Variants in REV3L observed in about 807,000 individuals in gnomAD.
The protein encoded by REV3L is DNA polymerase zeta catalytic subunit.
In REV3L, 69 loss-of-function variants were observed where a neutral mutation model predicts 299.4. That is an observed-to-expected ratio of 0.23 (90% CI 0.19 to 0.28). The LOEUF (loss-of-function observed/expected upper bound fraction) is 0.28. REV3L is among the 10% of genes least tolerant of loss of function. The pLI, the probability that REV3L is intolerant of heterozygous loss-of-function variation, is 1.00. For synonymous variants in REV3L, 1,238 were observed against 1,271.4 expected (o/e 0.97, Z 0.56); for missense variants, 3,128 against 3,693.8 (o/e 0.85, Z 3.97).
chr6:111,392,087 TAA>T lies in REV3L; in HGVS notation c.662+787_662+788del, dbSNP rs564933319. On this transcript the variant is annotated intron_variant, in intron 5 of 31. Transcript: ENST00000368802. ...GTTTATGATCCACAGTTTTCTCATA[TAA>T]AAAAGTTTTATAATTTGAAATAATT... 1.4e-3 allele frequency among the ~76,000 whole-genome samples: 219 copies of T among 152,372 alleles called. 1 individual carries two copies. Among genetic ancestry groups the T allele is most frequent in the African/African-American group, 4.9e-3 (205 of 41,584 alleles).
At chr6:111,463,528 C>T (rs1208727873) in intron 1 of REV3L, among the ~76,000 whole-genome samples, 1 of 152,128 alleles carries the variant, frequency 6.6e-6, no homozygotes, top group East Asian at 1.9e-4. Context: ...ATCCTAATTA[C>T]TGAGATGCAC....
chr6:111,445,565 C>T (rs1430246918), intron 1 of REV3L, among the ~76,000 whole-genome samples: 1 of 152,058 alleles, frequency 6.6e-6, no homozygotes, highest in Non-Finnish European at 1.5e-5. Context: ...TTACTGAACA[C>T]CTAAGTGTGT....
rs762336544 is a variant in REV3L, at chr6:111,376,093, T to G, written c.2262A>C (p.Arg754Ser). 1.2e-6 allele frequency: 2 copies of G among 1,613,766 alleles called. No homozygotes were observed. The highest frequency in any genetic ancestry group is 1.7e-6 in the Non-Finnish European group (2 of 1,179,948). The change falls in exon 13 of 32, where the codon AGA becomes AGC. Residue 754 changes from arginine to serine, a missense_variant. This residue lies in a region of REV3L where 2,409 missense variants were observed against 2,611.8 expected (regional missense o/e 0.92). Coordinates refer to ENST00000368802, the MANE Select transcript of REV3L (RefSeq NM_001372078.1). ...TGCTATTAAGAGAATGCACCATAGT[T>G]CTATTCTCCCCTGAGCATGACAGTA... ...CELLSCSGENRTMVHSLNSTA... is the reference protein window; with the variant it reads ...CELLSCSGENSTMVHSLNSTA...
intron 1 of REV3L, among the ~76,000 whole-genome samples, chr6:111,466,679 A>T (rs1359743561): frequency 6.6e-6 from 1 of 152,154 alleles, no homozygotes; most frequent in East Asian, 1.9e-4. Flanking sequence ...TCTATGAAAC[A>T]TACAAAAATT....
At chr6:111,380,788 C>A (rs1026255380) in intron 10 of REV3L, among the ~76,000 whole-genome samples, 6 of 152,186 alleles carry the variant, frequency 3.9e-5, no homozygotes, top group Admixed American at 1.3e-4. Flanking sequence ...AGGGTCTTGG[C>A]CGTGGGTACA....
chr6:111,415,531 T>C (rs1270792305), intron 2 of REV3L, among the ~76,000 whole-genome samples: 4 of 152,084 alleles, frequency 2.6e-5, no homozygotes, highest in South Asian at 4.1e-4. Context: ...TAAAACTAGG[T>C]AAAGCTAATG....
In REV3L at chr6:111,392,900, C is replaced by G; in HGVS notation, c.638G>C (p.Arg213Pro). The change falls in exon 5 of 32, where the codon CGG (arginine) becomes CCG (proline). Residue 213 changes from arginine to proline, a missense_variant. By Grantham distance (103) the Arg-to-Pro change is moderately radical. Coordinates refer to ENST00000368802, the MANE Select transcript of REV3L (RefSeq NM_001372078.1). Reference protein sequence around the residue: ...SGNSLADTLFRWEQDEIPSSL... With the variant: ...SGNSLADTLFPWEQDEIPSSL... ...CCTTGGTATTTCATCTTGTTCCCAC[C>G]GAAATAAAGTATCAGCAAGAGAATT... 2 of 1,611,080 alleles carry G rather than the reference C, an allele frequency of 1.2e-6. No homozygotes were observed. The highest frequency in any genetic ancestry group is 1.7e-6 in the Non-Finnish European group (2 of 1,177,636).
chr6:111,481,459 T>C (rs558657035), intron 1 of REV3L, among the ~76,000 whole-genome samples: 1 of 152,346 alleles, frequency 6.6e-6, no homozygotes, highest in Non-Finnish European at 1.5e-5. Context: ...TCATATTCAC[T>C]AGTTTAAATA....
intron 22 of REV3L, 68 bp downstream of exon 22, chr6:111,335,401 C>T (rs999921386): frequency 1.1e-5 from 17 of 1,490,232 alleles, no homozygotes; most frequent in Non-Finnish European, 1.4e-5. Context: ...AGTCAAATCA[C>T]TTCAAACATC....
At chr6:111,414,597 G>A (rs1784568980) in intron 2 of REV3L, among the ~76,000 whole-genome samples, 1 of 152,130 alleles carries the variant, frequency 6.6e-6, no homozygotes, top group Admixed American at 6.6e-5. Flanking sequence ...ATGGTCCAGA[G>A]GAAAGCCTAG....
intron 22 of REV3L, among the ~76,000 whole-genome samples, chr6:111,333,599 C>T (rs1350079891): frequency 6.6e-6 from 1 of 151,922 alleles, no homozygotes; most frequent in Non-Finnish European, 1.5e-5. Flanking sequence ...CTCAGCCTCC[C>T]GAGTAGCTGG....
chr6:111,359,516 T>A (rs1778425396), intron 16 of REV3L, among the ~76,000 whole-genome samples: 1 of 110,264 alleles, frequency 9.1e-6, no homozygotes, highest in Admixed American at 1.2e-4. Flanking sequence ...TTATAGTTTT[T>A]CCTGAAAAAA....
chr6:111,408,159 C>G (rs116356022), intron 3 of REV3L, among the ~76,000 whole-genome samples: 4,580 of 152,198 alleles, frequency 0.03, 80 homozygotes, highest in South Asian at 0.079. Flanking sequence ...AATCTTGAGC[C>G]TCAGAGGTGA....
chr6:111,352,029 T>C (rs1777621965), intron 18 of REV3L, among the ~76,000 whole-genome samples: 1 of 151,482 alleles, frequency 6.6e-6, no homozygotes, highest in Non-Finnish European at 1.5e-5. Context: ...TTTTTTGAGA[T>C]GGGGTCTCAC....
chr6:111,353,882 A>AT (rs1444238822), intron 18 of REV3L: 6 of 152,230 alleles, frequency 3.9e-5, no homozygotes, highest in Admixed American at 3.9e-4. Flanking sequence ...CTTGTCCAGT[A>AT]TATCTCCCTT....
intron 26 of REV3L, among the ~76,000 whole-genome samples, chr6:111,317,238 T>G (rs1773635398): frequency 6.6e-6 from 1 of 152,110 alleles, no homozygotes; most frequent in South Asian, 2.1e-4. Context: ...CTGCTAATAA[T>G]GGAGACAGTA....
At chr6:111,358,038 T>C (rs1339764258) in intron 17 of REV3L, among the ~76,000 whole-genome samples, 2 of 152,184 alleles carry the variant, frequency 1.3e-5, no homozygotes, top group African/African-American at 4.8e-5. Flanking sequence ...CTTAATATGG[T>C]TGTATTCTGT....
rs548387296 is a variant in REV3L at position 111,348,950 on chromosome 6, G to A, written c.7419+268C>T. The A allele has an allele frequency of 2.0e-4, 42 of 214,898 alleles. No individual in the cohort carries two copies. In the East Asian group the frequency reaches 3.1e-3, roughly 16 times the overall value. The allele number at this position is 214,898 out of a possible 1,614,324, so 13.3% of individuals were successfully genotyped here. A position where few individuals can be genotyped will look rare whatever the true frequency, so the allele number is the denominator to read the frequency against. On this transcript the variant is annotated intron_variant, in intron 20 of 31. Coordinates refer to ENST00000368802, the MANE Select transcript of REV3L (RefSeq NM_001372078.1). The stretch of plus-strand genomic sequence containing the variant: ...GATTACAAGTGTGAGCACTGCACCT[G>A]GCCCCAATATTTTATTATAGCTATA...
intron 26 of REV3L, among the ~76,000 whole-genome samples, chr6:111,318,277 C>T (rs941659022): frequency 2.6e-5 from 4 of 151,296 alleles, no homozygotes; most frequent in Admixed American, 6.6e-5. Context: ...TTAGTAGAGA[C>T]GGGGTTTCAC....
Sources: gnomAD v4.1 joint callset for allele counts (sites outside exome capture counted in the v4.1 genomes callset) on GRCh38, gnomAD v4.1.1 for gene constraint, gnomAD v4.1.1 regional missense constraint, MANE v1.5 for transcripts, NCBI Gene and HGNC (gene_info 2026-07-23, HGNC 2026-07-21) for gene names.